Variants in KCNIP4 observed in about 807,000 individuals in gnomAD.
The protein encoded by KCNIP4 is Kv channel-interacting protein 4.
KCNIP4 carries 12 observed loss-of-function variants against 34.0 expected under a neutral mutation model. That is an observed-to-expected ratio of 0.35 (90% CI 0.23 to 0.57). The LOEUF (loss-of-function observed/expected upper bound fraction) is 0.57, where lower values mean the gene tolerates loss of function less well. KCNIP4 is among the 20% of genes least tolerant of loss of function. The probability of loss-of-function intolerance (pLI) is 0.83; values close to 1 mark genes in which losing one functional copy is unlikely to be tolerated. For missense variants in KCNIP4, 238 were observed against 311.7 expected, an observed-to-expected ratio of 0.76 and a Z score of 1.78; for synonymous variants, 124 against 102.2, an observed-to-expected ratio of 1.21 and a Z score of -1.29.
intron 5 of KCNIP4, among the ~76,000 whole-genome samples, chr4:20,739,663 G>T (rs1297353034): frequency 6.6e-6 from 1 of 152,198 alleles, no homozygotes; most frequent in African/African-American, 2.4e-5. Context: ...AAGCTGAAAA[G>T]TGTAAAAATC....
At chr4:21,613,275 A>C (rs1479704098) in intron 1 of KCNIP4, 1 of 152,180 alleles carries the variant, frequency 6.6e-6, no homozygotes, top group African/African-American at 2.4e-5. Flanking sequence ...ATGTGTCATC[A>C]GAGGCTGGGT....
intron 3 of KCNIP4, among the ~76,000 whole-genome samples, chr4:20,765,074 A>G (rs1390369423): frequency 6.6e-6 from 1 of 152,198 alleles, no homozygotes; most frequent in Non-Finnish European, 1.5e-5. Flanking sequence ...CATTTATTCA[A>G]TAAGTAGTTA....
chr4:20,887,693 C>A (rs529050440), intron 1 of KCNIP4, among the ~76,000 whole-genome samples: 2 of 152,094 alleles, frequency 1.3e-5, no homozygotes, highest in East Asian at 3.9e-4. Flanking sequence ...ATAAAATAAA[C>A]CTGGGATAAT....
chr4:21,784,999 T>C (rs1463930748), intron 1 of KCNIP4, among the ~76,000 whole-genome samples: 1 of 152,190 alleles, frequency 6.6e-6, no homozygotes, highest in Non-Finnish European at 1.5e-5. Context: ...GAAGTTATAT[T>C]ACTGGCTGTC....
intron 1 of KCNIP4, among the ~76,000 whole-genome samples, chr4:21,061,353 C>CA (rs1481808111): frequency 6.6e-6 from 1 of 151,936 alleles, no homozygotes; most frequent in African/African-American, 2.4e-5. Flanking sequence ...AGAAAAGAAA[C>CA]AAAAATAGTT....
At chr4:20,882,575 G>T in intron 2 of KCNIP4, 33 bp downstream of exon 2, 1 of 1,454,650 alleles carries the variant, frequency 6.9e-7, no homozygotes, top group Non-Finnish European at 9.6e-7. Context: ...CAAGAGTTTC[G>T]GAGGAAAAAA....
intron 3 of KCNIP4, among the ~76,000 whole-genome samples, chr4:20,760,919 T>C (rs1443224281): frequency 6.6e-6 from 1 of 152,186 alleles, no homozygotes; most frequent in East Asian, 1.9e-4. Context: ...TGTCCAAGTG[T>C]TTGGTCAAGC....
chr4:20,762,098 A>G (rs906211296), intron 3 of KCNIP4, among the ~76,000 whole-genome samples: 5 of 152,202 alleles, frequency 3.3e-5, no homozygotes, highest in African/African-American at 4.8e-5. Context: ...TTTATTTCTC[A>G]TAGTACTGGA....
At chr4:20,848,047 T>G (rs1720582355) in intron 3 of KCNIP4, among the ~76,000 whole-genome samples, 1 of 152,120 alleles carries the variant, frequency 6.6e-6, no homozygotes, top group South Asian at 2.1e-4. Context: ...TCGGCTATGC[T>G]TAGGGTTCAT....
At chr4:20,984,596 G>C (rs964558294) in intron 1 of KCNIP4, among the ~76,000 whole-genome samples, 1 of 152,174 alleles carries the variant, frequency 6.6e-6, no homozygotes, top group Non-Finnish European at 1.5e-5. Flanking sequence ...CAATGACTTT[G>C]TCAAACGAGA....
intron 1 of KCNIP4, among the ~76,000 whole-genome samples, chr4:21,398,390 A>G (rs35794246): frequency 0.21 from 31,499 of 152,232 alleles, 3,697 homozygotes; most frequent in Middle Eastern, 0.31. Context: ...TGTTAATCCC[A>G]ATGGCACAAA....
chr4:20,748,282 C>G (rs1370822552), intron 5 of KCNIP4, among the ~76,000 whole-genome samples: 1 of 151,982 alleles, frequency 6.6e-6, no homozygotes, highest in Middle Eastern at 3.2e-3. Flanking sequence ...CCTTGGTTCC[C>G]AGGCCTGATA....
intron 1 of KCNIP4, among the ~76,000 whole-genome samples, chr4:21,157,858 G>GA (rs751542650): frequency 7.9e-5 from 12 of 151,574 alleles, no homozygotes; most frequent in Admixed American, 1.3e-4. Context: ...AATAGAAACA[G>GA]AAAACAATAG....
At chr4:20,895,116 A>G (rs1726364222) in intron 1 of KCNIP4, among the ~76,000 whole-genome samples, 1 of 152,220 alleles carries the variant, frequency 6.6e-6, no homozygotes, top group South Asian at 2.1e-4. Flanking sequence ...TCTGTACTGC[A>G]CTAACAATGG....
At chr4:20,983,210 G>A (rs12643593) in intron 1 of KCNIP4, among the ~76,000 whole-genome samples, 12,498 of 152,088 alleles carry the variant, frequency 0.082, 690 homozygotes, top group Non-Finnish European at 0.11. Flanking sequence ...GTCCTGTCTC[G>A]TGTGTATGAG....
chr4:20,922,593 G>A (rs542037718), intron 1 of KCNIP4, among the ~76,000 whole-genome samples: 8 of 114,956 alleles, frequency 7.0e-5, no homozygotes, highest in Non-Finnish European at 1.6e-4. Flanking sequence ...ATCTCCTATT[G>A]GTTCTATTTC....
chr4:21,893,041 G>C (rs773432120), intron 1 of KCNIP4, among the ~76,000 whole-genome samples: 3 of 152,130 alleles, frequency 2.0e-5, no homozygotes, highest in African/African-American at 4.8e-5. Flanking sequence ...CCAATCACAA[G>C]TTACAGACAC....
intron 1 of KCNIP4, among the ~76,000 whole-genome samples, chr4:21,622,155 C>G (rs1225214402): frequency 6.6e-6 from 1 of 152,194 alleles, no homozygotes; most frequent in Admixed American, 6.5e-5. Flanking sequence ...CTGTCAATCA[C>G]TGTCACCAGG....
intron 1 of KCNIP4, among the ~76,000 whole-genome samples, chr4:21,003,226 G>A (rs1036033470): frequency 5.3e-5 from 8 of 152,120 alleles, no homozygotes; most frequent in Non-Finnish European, 1.2e-4. Context: ...ACCCACATCT[G>A]ATTTCAAAAT....
Sources: allele counts gnomAD v4.1 joint callset (sites outside exome capture counted in the v4.1 genomes callset), GRCh38; gene constraint gnomAD v4.1.1; transcripts MANE v1.5; gene names NCBI Gene and HGNC (gene_info 2026-07-23, HGNC 2026-07-21).